ARHGAP40: variants seen among roughly 807,000 people sequenced by gnomAD.
The protein encoded by ARHGAP40 is Rho GTPase activating protein 40.
Under a neutral mutation model 73.5 loss-of-function variants are expected in ARHGAP40, and 43 were observed. The ratio of observed to expected loss-of-function variants is 0.58; its 90% CI spans 0.46 to 0.75. ARHGAP40 has a LOEUF of 0.75. Ranked by LOEUF, ARHGAP40 falls within the 30% of genes least tolerant of loss-of-function variation. The pLI is 0.00. For missense variants in ARHGAP40, 734 were observed against 861.8 expected (o/e 0.85, Z 1.86); for synonymous variants, 300 against 352.8 (o/e 0.85, Z 1.68).
intron 8 of ARHGAP40, 100 bp from the exon 9 acceptor site, chr20:38,639,127 C>A: frequency 1.7e-6 from 2 of 1,199,110 alleles, no homozygotes; most frequent in Non-Finnish European, 1.1e-6. Flanking sequence ...TCTTGTTGTC[C>A]CCACTTTGCA....
chr20:38,607,196 G>A (rs1387556038), intron 1 of ARHGAP40, among the ~76,000 whole-genome samples: 1 of 152,138 alleles, frequency 6.6e-6, no homozygotes, highest in African/African-American at 2.4e-5. Flanking sequence ...CGGGACTCCT[G>A]ACTCCTTGGC....
chr20:38,635,587 C>T (rs983008348), intron 6 of ARHGAP40, among the ~76,000 whole-genome samples: 2 of 151,912 alleles, frequency 1.3e-5, no homozygotes, highest in African/African-American at 2.4e-5. Context: ...CACTTGAGCC[C>T]GGGAGGTGAA....
chr20:38,646,979 A>G lies in ARHGAP40; in HGVS notation c.1733A>G (p.Gln578Arg). The stretch of plus-strand genomic sequence containing the variant: ...CAGACTCCCAAGGTGGCAAAGATCC[A>G]GGTGGTCTGGCCTATCAAGGACCCC... Residue 578 changes from glutamine (Q) to arginine (R), a missense_variant, in exon 13 of 15, where the codon CAG becomes CGG. By Grantham distance (43) the Gln-to-Arg change is conservative. Coordinates refer to ENST00000373345, the Ensembl canonical transcript of ARHGAP40. The surrounding 1 kb of genome is among the most constrained non-coding windows in gnomAD (Gnocchi z 4.5). 7.7e-7 allele frequency: 1 copy of G among 1,305,396 alleles called. No homozygotes were observed. The highest frequency in any genetic ancestry group is 1.0e-6 in the Non-Finnish European group (1 of 988,972). The allele number at this position is 1,305,396 out of a possible 1,614,324, so 80.9% of individuals were successfully genotyped here.
At chr20:38,627,571 A>ATGT (rs2088908706) in intron 3 of ARHGAP40, among the ~76,000 whole-genome samples, 1 of 56,696 alleles carries the variant, frequency 1.8e-5, no homozygotes, top group African/African-American at 6.4e-5. Flanking sequence ...ATGTGTGTTG[A>ATGT]GTGTGTGTGT....
intron 1 of ARHGAP40, among the ~76,000 whole-genome samples, chr20:38,609,955 C>T (rs558276125): frequency 1.3e-5 from 2 of 152,322 alleles, no homozygotes; most frequent in African/African-American, 4.8e-5. Flanking sequence ...CAATGAGGAC[C>T]TCCCTGTGAA....
intron 1 of ARHGAP40, among the ~76,000 whole-genome samples, chr20:38,602,786 C>G (rs1373385479): frequency 6.6e-6 from 1 of 152,168 alleles, no homozygotes; most frequent in Non-Finnish European, 1.5e-5. Flanking sequence ...TTTTCCCCTG[C>G]AACCCCTCAA....
intron 5 of ARHGAP40, among the ~76,000 whole-genome samples, chr20:38,630,223 C>CA (rs2088930428): frequency 8.7e-6 from 1 of 114,548 alleles, no homozygotes; most frequent in Admixed American, 9.9e-5. Flanking sequence ...TTCTTTCCTT[C>CA]TTTTTTTTTT....
exon 15 of ARHGAP40, chr20:38,649,812 G>T (rs768938085): frequency 8.4e-6 from 11 of 1,305,106 alleles, no homozygotes; most frequent in South Asian, 1.2e-5. Context: ...GTGCCAACCC[G>T]CATGGTGAGT....
chr20:38,638,502 T>G (rs1442827229), intron 7 of ARHGAP40, among the ~76,000 whole-genome samples: 1 of 152,172 alleles, frequency 6.6e-6, no homozygotes, highest in Non-Finnish European at 1.5e-5. Context: ...TGAACTTTCA[T>G]TAGCCTCCCT....
At chr20:38,615,709 G>A (rs1487848165) in intron 1 of ARHGAP40, among the ~76,000 whole-genome samples, 3 of 152,186 alleles carry the variant, frequency 2.0e-5, no homozygotes, top group Non-Finnish European at 4.4e-5. Context: ...TGTGCACCTG[G>A]CACCTGGGAA....
chr20:38,640,324 C>T (rs2089010708), intron 9 of ARHGAP40, among the ~76,000 whole-genome samples: 1 of 150,672 alleles, frequency 6.6e-6, no homozygotes, highest in South Asian at 2.1e-4. Flanking sequence ...TCAAGTGATT[C>T]TCCTGCCTCA....
At chr20:38,635,915 C>T (rs2088971880) in intron 6 of ARHGAP40, among the ~76,000 whole-genome samples, 1 of 152,166 alleles carries the variant, frequency 6.6e-6, no homozygotes, top group Non-Finnish European at 1.5e-5. Flanking sequence ...CTGATCTAGG[C>T]TTAGCTCCAA....
intron 13 of ARHGAP40, among the ~76,000 whole-genome samples, chr20:38,647,584 G>T (rs1006886407): frequency 1.3e-5 from 2 of 152,104 alleles, no homozygotes; most frequent in Non-Finnish European, 1.5e-5. Flanking sequence ...GTAGAGACAG[G>T]GTTTTACTAT....
chr20:38,616,944 T>TTTAC (rs2088843781), intron 1 of ARHGAP40, among the ~76,000 whole-genome samples: 1 of 151,704 alleles, frequency 6.6e-6, no homozygotes, highest in Non-Finnish European at 1.5e-5. Context: ...ACTTTATTTA[T>TTTAC]TTATTTATTT....
rs2089052635 is a variant in ARHGAP40, at chr20:38,646,264, C to G, written c.1710+77C>G. 1 of 1,202,436 alleles carries G rather than the reference C, an allele frequency of 8.3e-7. No individual in the cohort carries two copies. Among genetic ancestry groups the G allele is most frequent in the African/African-American group, 1.6e-5 (1 of 63,160 alleles). 74.5% of individuals were successfully genotyped at this position (1,202,436 alleles called of 1,614,324 possible). ...GCACCTGGGGCGCGGTGCTTCCCTTCCTCCAGGTCCCCGCTACCGGGCTGC... is the reference window on the plus strand; with the variant it reads ...GCACCTGGGGCGCGGTGCTTCCCTTGCTCCAGGTCCCCGCTACCGGGCTGC... On this transcript the variant is annotated intron_variant, in intron 12 of 14. Coordinates refer to ENST00000373345, the Ensembl canonical transcript of ARHGAP40. The surrounding 1 kb of genome is among the most constrained non-coding windows in gnomAD (Gnocchi z 4.5).
intron 1 of ARHGAP40, among the ~76,000 whole-genome samples, chr20:38,620,905 T>TA (rs1355662853): frequency 6.6e-6 from 1 of 152,168 alleles, no homozygotes; most frequent in Non-Finnish European, 1.5e-5. Flanking sequence ...GGGTCTACGG[T>TA]AAAATCCTGG....
At chr20:38,608,848 C>G (rs1010585282) in intron 1 of ARHGAP40, among the ~76,000 whole-genome samples, 1 of 152,124 alleles carries the variant, frequency 6.6e-6, no homozygotes, top group African/African-American at 2.4e-5. Context: ...TCTGGAGGCT[C>G]TCGGGGACAA....
At chr20:38,613,612 C>G (rs902478283) in intron 1 of ARHGAP40, among the ~76,000 whole-genome samples, 2 of 152,108 alleles carry the variant, frequency 1.3e-5, no homozygotes, top group African/African-American at 4.8e-5. Context: ...GGCCAGGTCT[C>G]CACACCTAGG....
At chr20:38,625,791 T>G (rs925775465) in intron 2 of ARHGAP40, among the ~76,000 whole-genome samples, 1 of 152,254 alleles carries the variant, frequency 6.6e-6, no homozygotes, top group African/African-American at 2.4e-5. Context: ...CATCAATGTC[T>G]ACTCATGGCA....
Sources: allele counts gnomAD v4.1 joint callset (sites outside exome capture counted in the v4.1 genomes callset), GRCh38; gene constraint gnomAD v4.1.1; non-coding constraint Gnocchi (gnomAD v3.1); transcripts MANE v1.5; gene names NCBI Gene and HGNC (gene_info 2026-07-23, HGNC 2026-07-21).